The following DIP2B variants were observed in gnomAD, a reference collection of about 807,000 sequenced individuals.
DIP2B encodes the protein disco-interacting protein 2 homolog B.
In DIP2B, 76 loss-of-function variants were observed where a neutral mutation model predicts 198.0. That is an observed-to-expected ratio of 0.38 (90% CI 0.32 to 0.46). The LOEUF (loss-of-function observed/expected upper bound fraction) is 0.46. Among genes scored for constraint, DIP2B ranks in the 20% least tolerant of loss-of-function variants. DIP2B has a pLI of 0.99. For synonymous variants in DIP2B, 701 were observed against 739.1 expected, an observed-to-expected ratio of 0.95 and a Z score of 0.84; for missense variants, 1,559 against 1,978.4, an observed-to-expected ratio of 0.79 and a Z score of 4.02.
intron 1 of DIP2B, among the ~76,000 whole-genome samples, chr12:50,535,613 C>T (rs190894383): frequency 5.9e-5 from 9 of 152,050 alleles, no homozygotes; most frequent in African/African-American, 1.4e-4. Flanking sequence ...TCAAGTGATC[C>T]TCCTGCCTCG....
intron 28 of DIP2B, 88 bp downstream of exon 28, chr12:50,724,974 C>T (rs1264431074): frequency 2.1e-5 from 28 of 1,350,920 alleles, no homozygotes; most frequent in African/African-American, 4.3e-5. Flanking sequence ...ACGTGTTTAC[C>T]CTGCCTTTAT....
At chr12:50,654,385 A>G (rs1938518482) in intron 3 of DIP2B, among the ~76,000 whole-genome samples, 1 of 145,422 alleles carries the variant, frequency 6.9e-6, no homozygotes, top group East Asian at 2.1e-4. Context: ...GATAGAGTGT[A>G]ACTCTGTTGC....
intron 1 of DIP2B, 104 bp downstream of exon 1, chr12:50,505,344 C>G: frequency 1.1e-6 from 1 of 927,440 alleles, no homozygotes; most frequent in Non-Finnish European, 1.5e-6. Context: ...GCGAGGGGGA[C>G]GAGGGTGTAG....
chr12:50,671,377 G>T lies in DIP2B; in HGVS notation c.619G>T (p.Val207Leu), dbSNP rs1296334339. The change falls in exon 5 of 38, where the codon GTA (valine) becomes TTA (leucine). Residue 207 changes from valine (V) to leucine (L), a missense_variant. By Grantham distance (32) the Val-to-Leu change is conservative (BLOSUM62 1). Transcript: ENST00000301180. ...AGGAACCAGTGGGTCTCTAGCTGAT[G>T]TATTTGCCAATACTCGAATAGGTAG... Reference protein sequence around the residue: ...VKGTSGSLADVFANTRIENFS... With the variant: ...VKGTSGSLADLFANTRIENFS... The T allele has an allele frequency of 2.1e-5, 34 of 1,614,160 alleles. No individual in the cohort carries two copies. The highest frequency in any genetic ancestry group is 2.8e-5 in the Non-Finnish European group (33 of 1,180,042).
chr12:50,624,406 C>G (rs1025844018), intron 1 of DIP2B, among the ~76,000 whole-genome samples: 2 of 152,188 alleles, frequency 1.3e-5, no homozygotes, highest in African/African-American at 4.8e-5. Flanking sequence ...GATCTCGGCT[C>G]ACTGCAACCA....
At chr12:50,511,491 C>T (rs1451238425) in intron 1 of DIP2B, among the ~76,000 whole-genome samples, 2 of 151,030 alleles carry the variant, frequency 1.3e-5, no homozygotes, top group Non-Finnish European at 2.9e-5. Context: ...CGGGGTTTCA[C>T]TATGTTGGCC....
intron 2 of DIP2B, 36 bp downstream of exon 2, chr12:50,626,083 T>G: frequency 6.3e-7 from 1 of 1,593,450 alleles, no homozygotes; most frequent in Non-Finnish European, 8.6e-7. Context: ...TTTTTCAGTA[T>G]TTTTACACCA....
intron 1 of DIP2B, among the ~76,000 whole-genome samples, chr12:50,551,074 G>C (rs1215584386): frequency 1.3e-5 from 2 of 151,558 alleles, no homozygotes; most frequent in Non-Finnish European, 2.9e-5. Context: ...TGGGCAATCA[G>C]AGTGAGACCC....
chr12:50,579,252 C>T lies in DIP2B; in HGVS notation c.101-46724C>T, dbSNP rs1051858926. Reference sequence around the variant, plus strand: ...AATGAAATGAGCCTGTTGCTGGCAGCATTTGTTGACAATTATAAGTTACAG... The same window carrying T: ...AATGAAATGAGCCTGTTGCTGGCAGTATTTGTTGACAATTATAAGTTACAG... On this transcript the variant is annotated intron_variant, in intron 1 of 37. Coordinates refer to ENST00000301180, the MANE Select transcript of DIP2B (RefSeq NM_173602.3). Among the ~76,000 whole-genome samples the T allele has an allele frequency of 3.9e-5, 6 of 152,016 alleles. No individual in the cohort carries two copies. The East Asian group carries it at 9.6e-4, about 24-fold the overall frequency.
intron 8 of DIP2B, chr12:50,679,484 T>G (rs934578480): frequency 6.6e-6 from 1 of 152,618 alleles, no homozygotes; most frequent in Non-Finnish European, 1.5e-5. Context: ...AGGTTTTATT[T>G]AAAGAATTAC....
intron 1 of DIP2B, among the ~76,000 whole-genome samples, chr12:50,586,068 T>G (rs1243992673): frequency 6.6e-6 from 1 of 152,236 alleles, no homozygotes. Context: ...GTGGCCCATT[T>G]ACTTTGTCTC....
chr12:50,645,655 C>T (rs1488898584), intron 3 of DIP2B, among the ~76,000 whole-genome samples: 2 of 152,002 alleles, frequency 1.3e-5, no homozygotes, highest in Admixed American at 1.3e-4. Flanking sequence ...GATGGGATCT[C>T]ACTTTGTTGC....
At chr12:50,521,554 C>T (rs1958120213) in intron 1 of DIP2B, among the ~76,000 whole-genome samples, 1 of 144,630 alleles carries the variant, frequency 6.9e-6, no homozygotes, top group Non-Finnish European at 1.5e-5. Context: ...GTGCAGTGGC[C>T]CCATCTCAGC....
chr12:50,697,264 A>G, intron 17 of DIP2B, 89 bp downstream of exon 17: 1 of 1,171,028 alleles, frequency 8.5e-7, no homozygotes, highest in Non-Finnish European at 1.2e-6. Flanking sequence ...AACGGATGTT[A>G]ACTAATTTTC....
rs1937926007 is a variant in DIP2B at position 50,625,963 on chromosome 12, C to G, written c.101-13C>G. The G allele has an allele frequency of 1.9e-6, 3 of 1,613,032 alleles. No individual in the cohort carries two copies. Among genetic ancestry groups the G allele is most frequent in the Admixed American group, 1.7e-5 (1 of 59,872 alleles). On this transcript the variant is annotated splice_polypyrimidine_tract_variant and intron_variant, in intron 1 of 37. Transcript: ENST00000301180. ...AATAATGCATAACCTATTTCTGTTT[C>G]TTGCTATTTTAGGGGACATCACCCA...
At chr12:50,738,974 T>G (rs1309220529) in intron 35 of DIP2B, among the ~76,000 whole-genome samples, 1 of 152,208 alleles carries the variant, frequency 6.6e-6, no homozygotes, top group Admixed American at 6.5e-5. Context: ...CCATGGTGTT[T>G]CCCTGTGGGC....
chr12:50,681,333 G>A (rs1939036807), intron 9 of DIP2B, among the ~76,000 whole-genome samples: 1 of 151,928 alleles, frequency 6.6e-6, no homozygotes, highest in Non-Finnish European at 1.5e-5. Flanking sequence ...CTACTCGGGA[G>A]GTTAAGGCGG....
chr12:50,545,432 G>A (rs1958368330), intron 1 of DIP2B, among the ~76,000 whole-genome samples: 1 of 139,340 alleles, frequency 7.2e-6, no homozygotes, highest in Admixed American at 7.5e-5. Context: ...CTAGAGTGCA[G>A]TGGCGCCATC....
In DIP2B at chr12:50,524,563, C is replaced by T. The variant is rs1394266424; in HGVS notation, c.100+19323C>T. ...ACCTGTCTCCCTGCCTCCCTCCATC[C>T]TCCCGCTTCCCTCTTCCTTTTTTTA... On this transcript the variant is annotated intron_variant, in intron 1 of 37. Coordinates refer to ENST00000301180, the MANE Select transcript of DIP2B (RefSeq NM_173602.3). Among the ~76,000 whole-genome samples, 3 of 152,016 alleles carry T rather than the reference C, an allele frequency of 2.0e-5. No individual in the cohort carries two copies. The East Asian group carries it at 5.8e-4, about 29-fold the overall frequency.
Sources: gnomAD v4.1 joint callset for allele counts (sites outside exome capture counted in the v4.1 genomes callset) on GRCh38, gnomAD v4.1.1 for gene constraint, MANE v1.5 for transcripts, NCBI Gene and HGNC (gene_info 2026-07-23, HGNC 2026-07-21) for gene names.